The following XKR6 variants were observed in gnomAD, a reference collection of about 807,000 sequenced individuals.
The protein encoded by XKR6 is XK-related protein 6.
XKR6 carries 22 observed loss-of-function variants against 56.7 expected under a neutral mutation model. The ratio of observed to expected loss-of-function variants is 0.39; its 90% CI spans 0.28 to 0.55. The LOEUF is 0.55. Ranked by LOEUF, XKR6 falls within the 20% of genes least tolerant of loss-of-function variation. The probability of loss-of-function intolerance (pLI) is 0.66; values close to 1 mark genes in which losing one functional copy is unlikely to be tolerated. For missense variants in XKR6, 852 were observed against 889.0 expected, an observed-to-expected ratio of 0.96 and a Z score of 0.53; for synonymous variants, 524 against 387.8, an observed-to-expected ratio of 1.35 and a Z score of -4.13.
intron 1 of XKR6, among the ~76,000 whole-genome samples, chr8:11,192,760 G>A (rs1197853893): frequency 6.6e-6 from 1 of 152,150 alleles, no homozygotes; most frequent in Non-Finnish European, 1.5e-5. Flanking sequence ...CTCTGATCCT[G>A]GAGTCTGTAG....
chr8:11,201,058 C>G lies in XKR6; in HGVS notation c.282G>C (p.Pro94=). ...CGCCGGGGGCCGCGGGAGGCTGCAG[C>G]GGCTGGTCCCCCCCGTCGGCGGCGG... ...RSAAADGGDQ[P]LQPPAAPGAG... Residue 94 remains proline (P), a synonymous_variant, in exon 1 of 3, where the codon CCG becomes CCC. Transcript: ENST00000416569. 3 of 1,260,854 alleles carry G rather than the reference C, an allele frequency of 2.4e-6. No homozygotes were observed. Among genetic ancestry groups the G allele is most frequent in the Non-Finnish European group, 3.0e-6 (3 of 1,006,872 alleles). The allele number at this position is 1,260,854 out of a possible 1,614,324, so 78.1% of individuals were successfully genotyped here. A position where few individuals can be genotyped will look rare whatever the true frequency, so the allele number is the denominator to read the frequency against.
intron 1 of XKR6, among the ~76,000 whole-genome samples, chr8:11,111,466 G>A (rs997408277): frequency 2.0e-5 from 3 of 152,152 alleles, no homozygotes; most frequent in Non-Finnish European, 2.9e-5. Flanking sequence ...GTTCCAGACT[G>A]AAATTTTGTC....
intron 1 of XKR6, among the ~76,000 whole-genome samples, chr8:11,091,039 C>T (rs1481657822): frequency 6.6e-6 from 1 of 152,146 alleles, no homozygotes; most frequent in Admixed American, 6.6e-5. Context: ...TCTAGGCCAT[C>T]CTCTCTCTTA....
At chr8:10,991,286 T>G (rs1225066476) in intron 1 of XKR6, among the ~76,000 whole-genome samples, 1 of 152,108 alleles carries the variant, frequency 6.6e-6, no homozygotes, top group Non-Finnish European at 1.5e-5. Context: ...TCTGCTCTGG[T>G]GCTGATGGGA....
chr8:11,102,219 T>A (rs1425897332), intron 1 of XKR6, among the ~76,000 whole-genome samples: 1 of 152,136 alleles, frequency 6.6e-6, no homozygotes, highest in Admixed American at 6.5e-5. Flanking sequence ...CTGCCCTCCA[T>A]CCCAGCCCAG....
At chr8:10,996,833 T>C (rs895357370) in intron 1 of XKR6, among the ~76,000 whole-genome samples, 3 of 152,076 alleles carry the variant, frequency 2.0e-5, no homozygotes, top group African/African-American at 7.2e-5. Flanking sequence ...AGCAACATAG[T>C]GGCACATGCC....
intron 1 of XKR6, among the ~76,000 whole-genome samples, chr8:11,086,148 A>AT (rs372566415): frequency 2.1e-4 from 25 of 120,722 alleles, no homozygotes; most frequent in African/African-American, 3.1e-4. Context: ...ATATATATAT[A>AT]TTTTTTTTTA....
intron 1 of XKR6, among the ~76,000 whole-genome samples, chr8:11,134,176 C>T (rs1490606220): frequency 6.6e-6 from 1 of 152,114 alleles, no homozygotes; most frequent in South Asian, 2.1e-4. Context: ...CTTCCTTGCC[C>T]ACCCTTACCT....
At chr8:10,989,479 C>T (rs1160133687) in intron 1 of XKR6, among the ~76,000 whole-genome samples, 1 of 152,074 alleles carries the variant, frequency 6.6e-6, no homozygotes, top group Non-Finnish European at 1.5e-5. Flanking sequence ...AAATCCATTT[C>T]GGGAATTGAA....
intron 1 of XKR6, among the ~76,000 whole-genome samples, chr8:10,969,953 A>G (rs1802353840): frequency 6.6e-6 from 1 of 152,180 alleles, no homozygotes; most frequent in South Asian, 2.1e-4. Context: ...TGGGGTCTCT[A>G]CCGAAACCCC....
chr8:10,976,615 G>A (rs1179740893), intron 1 of XKR6, among the ~76,000 whole-genome samples: 1 of 152,202 alleles, frequency 6.6e-6, no homozygotes, highest in Non-Finnish European at 1.5e-5. Context: ...GAGAAAGACA[G>A]TCTCCACGTT....
chr8:11,200,628 C>T lies in XKR6; in HGVS notation c.712G>A (p.Val238Met). The stretch of plus-strand genomic sequence containing the variant: ...TGGATGACCGACTGCCAGATCCACA[C>T]GGAGAGGCGACACAGGCGCTGCGCC... ...PGAQRLCRLS[V>M]WIWQSVIHLL... The change falls in exon 1 of 3, where the codon GTG becomes ATG. Residue 238 changes from valine to methionine, a missense_variant. By Grantham distance (21) the Val-to-Met change is conservative (BLOSUM62 1). Coordinates refer to ENST00000416569, the MANE Select transcript of XKR6 (RefSeq NM_173683.4). This position sits in a 1 kb window ranked among gnomAD's most constrained non-coding sequence, Gnocchi z 6.4. 1.3e-6 allele frequency: 2 copies of T among 1,551,616 alleles called. No individual in the cohort carries two copies. The highest frequency in any genetic ancestry group is 8.6e-7 in the Non-Finnish European group (1 of 1,159,416).
chr8:10,898,268 C>G lies in XKR6; in HGVS notation c.1610G>C (p.Arg537Pro), dbSNP rs766971738. ...EPMAPEIPGY[R>P]GTQVTPTRAV... ...TCTGGTGGGCGTAACCTGGGTCCCC[C>G]GGTACCCAGGGATCTCAGGCGCCAT... The change falls in exon 3 of 3, where the codon CGG becomes CCG. Residue 537 changes from arginine to proline, a missense_variant. Around this residue, in one of 4 missense-constraint regions of XKR6, gnomAD observed 197 missense variants for 190.9 expected, o/e 1.03. Coordinates refer to ENST00000416569, the MANE Select transcript of XKR6 (RefSeq NM_173683.4). This position sits in a 1 kb window ranked among gnomAD's most constrained non-coding sequence, Gnocchi z 6.6. 1 of 1,614,084 alleles carries G rather than the reference C, an allele frequency of 6.2e-7. No homozygotes were observed. The highest frequency in any genetic ancestry group is 8.5e-7 in the Non-Finnish European group (1 of 1,180,008).
chr8:10,973,103 C>T (rs561603287), intron 1 of XKR6, among the ~76,000 whole-genome samples: 58 of 152,288 alleles, frequency 3.8e-4, no homozygotes, highest in African/African-American at 1.3e-3. Context: ...GAAGATGATT[C>T]AGAATGTTCC....
At chr8:10,982,332 A>G (rs566866674) in intron 1 of XKR6, among the ~76,000 whole-genome samples, 81 of 152,334 alleles carry the variant, frequency 5.3e-4, no homozygotes, top group Middle Eastern at 3.4e-3. Flanking sequence ...GAGATTTCCT[A>G]TGTATTCTGT....
rs1268821696 is a variant in XKR6 at position 11,102,839 on chromosome 8, T to G, written c.764+97737A>C. On this transcript the variant is annotated intron_variant, in intron 1 of 2. Transcript: ENST00000416569. ...AGAACTGGCTGCATTTGGAGGATTTTCACCCCATCCTTGGACACTTCCCTT... is the reference window on the plus strand; with the variant it reads ...AGAACTGGCTGCATTTGGAGGATTTGCACCCCATCCTTGGACACTTCCCTT... 2.0e-5 allele frequency among the ~76,000 whole-genome samples: 3 copies of G among 152,200 alleles called. No individual in the cohort carries two copies. The East Asian group carries it at 5.8e-4, about 29-fold the overall frequency.
chr8:11,160,899 G>A (rs7834546), intron 1 of XKR6, among the ~76,000 whole-genome samples: 8 of 109,102 alleles, frequency 7.3e-5, no homozygotes, highest in African/African-American at 2.6e-4. Flanking sequence ...GCAACAGAAC[G>A]AGACTCCGTC....
intron 1 of XKR6, among the ~76,000 whole-genome samples, chr8:11,053,965 C>A (rs964631666): frequency 1.1e-4 from 16 of 152,208 alleles, no homozygotes; most frequent in African/African-American, 3.6e-4. Context: ...ATGCAAAGAA[C>A]TGCTGAACCA....
intron 1 of XKR6, among the ~76,000 whole-genome samples, chr8:11,127,797 G>A (rs1055639203): frequency 5.9e-5 from 9 of 152,168 alleles, no homozygotes; most frequent in Non-Finnish European, 1.3e-4. Flanking sequence ...ATTGGAATAT[G>A]GACACTGCGG....
Sources: allele counts gnomAD v4.1 joint callset (sites outside exome capture counted in the v4.1 genomes callset), GRCh38; gene constraint gnomAD v4.1.1; regional missense constraint gnomAD v4.1.1; non-coding constraint Gnocchi (gnomAD v3.1); transcripts MANE v1.5; gene names NCBI Gene and HGNC (gene_info 2026-07-23, HGNC 2026-07-21).